The following NR1H4 variants were observed in gnomAD, a reference collection of about 807,000 sequenced individuals.
NR1H4 encodes nuclear receptor subfamily 1 group H member 4, also known as bile acid receptor.
NR1H4 carries 23 observed loss-of-function variants against 58.5 expected under a neutral mutation model. That is an observed-to-expected ratio of 0.39 (90% CI 0.28 to 0.56). NR1H4 has a LOEUF of 0.56. Among genes scored for constraint, NR1H4 ranks in the 20% least tolerant of loss-of-function variants. The pLI is 0.58. For synonymous variants in NR1H4, 214 were observed against 198.0 expected (o/e 1.08, Z -0.68); for missense variants, 487 against 576.9 (o/e 0.84, Z 1.60).
chr12:100,522,389 G>C (rs1400920633), intron 4 of NR1H4, among the ~76,000 whole-genome samples: 1 of 152,084 alleles, frequency 6.6e-6, no homozygotes, highest in Non-Finnish European at 1.5e-5. Flanking sequence ...TAAATAAATT[G>C]ATACCTGTAA....
chr12:100,486,962 C>T (rs192616442), intron 1 of NR1H4, among the ~76,000 whole-genome samples: 2 of 152,248 alleles, frequency 1.3e-5, no homozygotes, highest in East Asian at 3.9e-4. Flanking sequence ...AATGCTAATA[C>T]ATTCAACGTA....
At chr12:100,511,820 G>A (rs1954125025) in intron 4 of NR1H4, among the ~76,000 whole-genome samples, 1 of 152,184 alleles carries the variant, frequency 6.6e-6, no homozygotes, top group Admixed American at 6.5e-5. Context: ...TACTCAGGAG[G>A]CTGAGGCAGG....
intron 4 of NR1H4, among the ~76,000 whole-genome samples, chr12:100,516,617 C>T (rs572593449): frequency 2.4e-4 from 37 of 152,242 alleles, no homozygotes; most frequent in African/African-American, 7.9e-4. Context: ...CCGCCCGCCT[C>T]GGCCTCCCAA....
intron 3 of NR1H4, among the ~76,000 whole-genome samples, chr12:100,495,297 T>C (rs954697407): frequency 5.3e-5 from 8 of 152,236 alleles, no homozygotes; most frequent in Non-Finnish European, 1.2e-4. Flanking sequence ...ACTCTTTATC[T>C]GGTCCCCTCT....
intron 4 of NR1H4, among the ~76,000 whole-genome samples, chr12:100,513,537 T>C (rs1187940866): frequency 1.3e-5 from 2 of 152,128 alleles, no homozygotes; most frequent in African/African-American, 4.8e-5. Flanking sequence ...TTCACTTATG[T>C]AAGTCCCAGC....
intron 5 of NR1H4, among the ~76,000 whole-genome samples, 179 bp downstream of exon 5, chr12:100,532,789 G>A (rs953190757): frequency 6.6e-6 from 1 of 152,166 alleles, no homozygotes; most frequent in Non-Finnish European, 1.5e-5. Flanking sequence ...GAGCATTTTA[G>A]TCACCCGAAA....
At chr12:100,505,435 C>A in intron 3 of NR1H4, 1 of 480,606 alleles carries the variant, frequency 2.1e-6, no homozygotes, top group Non-Finnish European at 3.7e-6. Context: ...GTTCAATATC[C>A]CTATGTGGTT....
intron 1 of NR1H4, among the ~76,000 whole-genome samples, chr12:100,484,885 A>G (rs1953458079): frequency 1.3e-5 from 2 of 152,190 alleles, no homozygotes; most frequent in African/African-American, 2.4e-5. Flanking sequence ...TCAAAGCTTT[A>G]AGAATGGTGT....
chr12:100,506,341 T>C (rs1953965089), intron 3 of NR1H4, among the ~76,000 whole-genome samples: 1 of 152,146 alleles, frequency 6.6e-6, no homozygotes, highest in African/African-American at 2.4e-5. Context: ...CCAGTTAAGA[T>C]CTCATGGTCA....
chr12:100,481,015 C>T lies in NR1H4; in HGVS notation c.-190+6956C>T, dbSNP rs151029881. 2.6e-5 allele frequency among the ~76,000 whole-genome samples: 4 copies of T among 152,280 alleles called. No homozygotes were observed. The East Asian group carries it at 7.7e-4, about 29-fold the overall frequency. The stretch of plus-strand genomic sequence containing the variant: ...AGCATTCTTTCTTAGATATGGAAAA[C>T]AGAAGCTACAAGGTCTCTTAAAGCC... On this transcript the variant is annotated intron_variant, in intron 1 of 10. Coordinates refer to ENST00000392986, the MANE Select transcript of NR1H4 (RefSeq NM_001206979.2).
At chr12:100,481,265 T>C (rs1378419480) in intron 1 of NR1H4, among the ~76,000 whole-genome samples, 1 of 151,550 alleles carries the variant, frequency 6.6e-6, no homozygotes, top group Non-Finnish European at 1.5e-5. Context: ...AATTAAGTAT[T>C]TGAAAAAAAA....
intron 9 of NR1H4, among the ~76,000 whole-genome samples, chr12:100,556,495 A>AG (rs1483729470): frequency 6.6e-6 from 1 of 151,826 alleles, no homozygotes; most frequent in Admixed American, 6.6e-5. Flanking sequence ...AAAACAAAAA[A>AG]CAACTCTCTT....
chr12:100,528,198 C>A (rs1954608818), intron 4 of NR1H4, among the ~76,000 whole-genome samples: 2 of 152,146 alleles, frequency 1.3e-5, no homozygotes, highest in Admixed American at 1.3e-4. Context: ...CTGGCACGTG[C>A]ATGTGTATGT....
chr12:100,520,701 A>G (rs772125680), intron 4 of NR1H4, among the ~76,000 whole-genome samples: 13 of 152,248 alleles, frequency 8.5e-5, no homozygotes, highest in Non-Finnish European at 1.5e-4. Flanking sequence ...GCAAAACTCC[A>G]CAATCCCGCT....
chr12:100,536,327 A>T (rs79372913), intron 6 of NR1H4, among the ~76,000 whole-genome samples, 185 bp from the exon 7 acceptor site: 1,836 of 152,098 alleles, frequency 0.012, 32 homozygotes, highest in African/African-American at 0.034. Context: ...GTGAAATGTG[A>T]TATGGCCTGC....
chr12:100,537,230 T>C (rs1342101739), intron 8 of NR1H4, among the ~76,000 whole-genome samples, 183 bp downstream of exon 8: 1 of 152,244 alleles, frequency 6.6e-6, no homozygotes, highest in Non-Finnish European at 1.5e-5. Flanking sequence ...TTCTCTACAA[T>C]AGTCTTGTGA....
chr12:100,548,320 T>C (rs1342013179), intron 9 of NR1H4, among the ~76,000 whole-genome samples: 1 of 150,262 alleles, frequency 6.7e-6, no homozygotes, highest in Non-Finnish European at 1.5e-5. Flanking sequence ...TGAGCCAAGA[T>C]TGCACCACTG....
At chr12:100,547,137 C>T (rs1172737299) in intron 9 of NR1H4, among the ~76,000 whole-genome samples, 1 of 152,134 alleles carries the variant, frequency 6.6e-6, no homozygotes, top group African/African-American at 2.4e-5. Flanking sequence ...TCAACTATAA[C>T]TTTGTTGAGA....
At chr12:100,516,637 A>T (rs1426200731) in intron 4 of NR1H4, among the ~76,000 whole-genome samples, 1 of 152,174 alleles carries the variant, frequency 6.6e-6, no homozygotes, top group Non-Finnish European at 1.5e-5. Flanking sequence ...AAGTTCTGGG[A>T]TTACAGGCGT....
Sources: allele counts gnomAD v4.1 joint callset (sites outside exome capture counted in the v4.1 genomes callset), GRCh38; gene constraint gnomAD v4.1.1; transcripts MANE v1.5; gene names NCBI Gene and HGNC (gene_info 2026-07-23, HGNC 2026-07-21).